The following JMJD1C variants were observed in gnomAD, a reference collection of about 807,000 sequenced individuals.
The protein encoded by JMJD1C is jumonji domain-containing protein 1C.
In JMJD1C, 31 loss-of-function variants were observed where a neutral mutation model predicts 245.3. The ratio of observed to expected loss-of-function variants is 0.13; its 90% CI spans 0.09 to 0.17. The LOEUF (loss-of-function observed/expected upper bound fraction) is 0.17, where lower values mean the gene tolerates loss of function less well. Ranked by LOEUF, JMJD1C falls within the 10% of genes least tolerant of loss-of-function variation. The pLI, the probability that JMJD1C is intolerant of heterozygous loss-of-function variation, is 1.00. For missense variants in JMJD1C, 2,691 were observed against 3,000.2 expected (o/e 0.90, Z 2.41); for synonymous variants, 1,057 against 1,017.4 (o/e 1.04, Z -0.74).
upstream of JMJD1C, among the ~76,000 whole-genome samples, chr10:63,469,096 T>C (rs1248830064): frequency 6.6e-6 from 1 of 152,252 alleles, no homozygotes; most frequent in Admixed American, 6.5e-5. Flanking sequence ...CTAGTAGTTA[T>C]AGATTTTTCA....
At chr10:63,371,952 A>G (rs1946355922) in intron 2 of JMJD1C, among the ~76,000 whole-genome samples, 1 of 152,232 alleles carries the variant, frequency 6.6e-6, no homozygotes, top group Admixed American at 6.5e-5. Flanking sequence ...ATAAATATGT[A>G]AAAACTCTTT....
intron 2 of JMJD1C, among the ~76,000 whole-genome samples, chr10:63,322,584 G>C (rs907593219): frequency 6.6e-6 from 1 of 152,098 alleles, no homozygotes; most frequent in Non-Finnish European, 1.5e-5. Flanking sequence ...GGAGGCCGAA[G>C]AGGGAGAATC....
At chr10:63,449,096 G>A (rs1951879532) in intron 1 of JMJD1C, among the ~76,000 whole-genome samples, 1 of 151,994 alleles carries the variant, frequency 6.6e-6, no homozygotes. Flanking sequence ...CAGCCTTGAT[G>A]ACAGAGCAAG....
intron 1 of JMJD1C, among the ~76,000 whole-genome samples, chr10:63,422,604 T>C (rs1366144951): frequency 1.3e-5 from 2 of 152,196 alleles, no homozygotes; most frequent in African/African-American, 4.8e-5. Context: ...GTCTCTACTG[T>C]AGACCCACTC....
At chr10:63,370,142 T>C (rs1946180282) in intron 2 of JMJD1C, among the ~76,000 whole-genome samples, 1 of 152,218 alleles carries the variant, frequency 6.6e-6, no homozygotes, top group African/African-American at 2.4e-5. Flanking sequence ...GTCTGGACTC[T>C]ACCCTAAACA....
intron 1 of JMJD1C, among the ~76,000 whole-genome samples, chr10:63,416,645 TCTC>T (rs1432373045): frequency 6.6e-6 from 1 of 152,066 alleles, no homozygotes; most frequent in Non-Finnish European, 1.5e-5. Flanking sequence ...ATTATACAAT[TCTC>T]CTACCACTTT....
upstream of JMJD1C, among the ~76,000 whole-genome samples, chr10:63,470,797 C>G (rs78552647): frequency 6.6e-6 from 1 of 152,290 alleles, no homozygotes; most frequent in Non-Finnish European, 1.5e-5. Flanking sequence ...ATTGGGCCTT[C>G]TAATTGTACT....
chr10:63,188,514 A>G (rs953770857), intron 18 of JMJD1C, among the ~76,000 whole-genome samples: 2 of 152,228 alleles, frequency 1.3e-5, no homozygotes, highest in African/African-American at 2.4e-5. Context: ...TAGATGCTCA[A>G]TAACTGTTGA....
intron 24 of JMJD1C, among the ~76,000 whole-genome samples, chr10:63,171,707 C>T (rs58398477): frequency 0.022 from 3,220 of 144,420 alleles, 112 homozygotes; most frequent in African/African-American, 0.087. Context: ...AAATCAGAAA[C>T]TCTGGTGGTG....
At chr10:63,182,115 A>T (rs1308799318) in intron 22 of JMJD1C, among the ~76,000 whole-genome samples, 1 of 152,246 alleles carries the variant, frequency 6.6e-6, no homozygotes, top group Non-Finnish European at 1.5e-5. Context: ...CCCAGCACCT[A>T]GCCATTAAGC....
chr10:63,451,581 A>G (rs975924462), intron 1 of JMJD1C, among the ~76,000 whole-genome samples: 1 of 152,248 alleles, frequency 6.6e-6, no homozygotes, highest in Non-Finnish European at 1.5e-5. Context: ...AGTACTATAT[A>G]GCACTGACAT....
chr10:63,345,934 A>C (rs1305770642), intron 2 of JMJD1C, among the ~76,000 whole-genome samples: 1 of 152,222 alleles, frequency 6.6e-6, no homozygotes, highest in Non-Finnish European at 1.5e-5. Flanking sequence ...ACGGAATAAA[A>C]GGAAACAGAC....
At chr10:63,302,799 T>C (rs768736216) in intron 2 of JMJD1C, among the ~76,000 whole-genome samples, 1 of 152,230 alleles carries the variant, frequency 6.6e-6, no homozygotes, top group Non-Finnish European at 1.5e-5. Flanking sequence ...GCCAAAATTA[T>C]GGCCTCTTAA....
At chr10:63,408,005 G>A (rs4746128) in intron 1 of JMJD1C, among the ~76,000 whole-genome samples, 151,826 of 152,324 alleles carry the variant, frequency 1, 75,665 homozygotes, top group Middle Eastern at 1. Context: ...AAAGAGAAAC[G>A]TAACAGAGAA....
intron 2 of JMJD1C, among the ~76,000 whole-genome samples, chr10:63,343,893 C>T (rs1047629323): frequency 1.3e-5 from 2 of 151,872 alleles, no homozygotes; most frequent in African/African-American, 4.8e-5. Flanking sequence ...CAAAAATTAG[C>T]CAGGTGTGGT....
chr10:63,198,595 T>C lies in JMJD1C; in HGVS notation c.5409A>G (p.Lys1803=), dbSNP rs201595819. 305 of 1,606,370 alleles carry C rather than the reference T, an allele frequency of 1.9e-4. 1 individual carries two copies. Among genetic ancestry groups the C allele is most frequent in the Non-Finnish European group, 3.9e-5 (46 of 1,173,696 alleles). Residue 1803 remains lysine (K), a synonymous_variant, in exon 12 of 26, where the codon AAA becomes AAG. Transcript: ENST00000399262. Reference sequence around the variant, plus strand: ...TATCACCTATTATATCCAAGATATATTTAGAAGTCTCTATATCTAGTTCAT... The same window carrying C: ...TATCACCTATTATATCCAAGATATACTTAGAAGTCTCTATATCTAGTTCAT... ...EDDELDIETS[K]YILDIIGDKF...
At chr10:63,347,583 CAAAAA>C (rs551998323) in intron 2 of JMJD1C, among the ~76,000 whole-genome samples, 3 of 65,410 alleles carry the variant, frequency 4.6e-5, no homozygotes, top group Non-Finnish European at 9.3e-5. Flanking sequence ...GAGTCCATCT[CAAAAA>C]AAAAAAAAAA....
chr10:63,321,147 C>G (rs780448032), intron 2 of JMJD1C, among the ~76,000 whole-genome samples: 2 of 152,310 alleles, frequency 1.3e-5, no homozygotes, highest in Admixed American at 6.5e-5. Flanking sequence ...TTCTCTGGAC[C>G]CTTCCAGATC....
chr10:63,331,421 C>T (rs1279705756), intron 2 of JMJD1C, among the ~76,000 whole-genome samples: 1 of 152,140 alleles, frequency 6.6e-6, no homozygotes, highest in Admixed American at 6.6e-5. Context: ...CCAATACATT[C>T]GCTTACATGG....
Sources: allele counts gnomAD v4.1 joint callset (sites outside exome capture counted in the v4.1 genomes callset), GRCh38; gene constraint gnomAD v4.1.1; transcripts MANE v1.5; gene names NCBI Gene and HGNC (gene_info 2026-07-23, HGNC 2026-07-21).